The following EDIL3 variants were observed in gnomAD, a reference collection of about 807,000 sequenced individuals.
The protein encoded by EDIL3 is EGF like and discoidin domains 3, also known as EGF-like repeat and discoidin I-like domain-containing protein 3.
EDIL3 carries 37 observed loss-of-function variants against 67.4 expected under a neutral mutation model. That is an observed-to-expected ratio of 0.55 (90% CI 0.42 to 0.72). The LOEUF is 0.72. EDIL3 is among the 30% of genes least tolerant of loss of function. EDIL3 has a pLI of 0.00. For missense variants in EDIL3, 527 were observed against 586.3 expected (o/e 0.90, Z 1.04); for synonymous variants, 195 against 196.3 (o/e 0.99, Z 0.05).
chr5:84,314,208 AAAAG>A (rs1444275437), intron 1 of EDIL3, among the ~76,000 whole-genome samples: 1 of 152,100 alleles, frequency 6.6e-6, no homozygotes, highest in Non-Finnish European at 1.5e-5. Flanking sequence ...AAAAAAGAAA[AAAAG>A]AAAGAAAGAA....
chr5:84,382,462 TCTC>T (rs1384489906), intron 1 of EDIL3, among the ~76,000 whole-genome samples: 3 of 151,990 alleles, frequency 2.0e-5, no homozygotes, highest in South Asian at 2.1e-4. Flanking sequence ...CGCACTATCT[TCTC>T]CTCTACCCCG....
chr5:83,952,465 CA>C (rs1028371007), intron 10 of EDIL3, among the ~76,000 whole-genome samples: 32 of 151,862 alleles, frequency 2.1e-4, no homozygotes, highest in African/African-American at 7.5e-4. Flanking sequence ...TTTTGACTGC[CA>C]TAAGAAATAT....
chr5:84,198,416 GA>G (rs992757894), intron 3 of EDIL3, among the ~76,000 whole-genome samples: 7 of 151,658 alleles, frequency 4.6e-5, no homozygotes, highest in African/African-American at 9.7e-5. Context: ...ATCTAGATCT[GA>G]AAAAAAAGTA....
intron 2 of EDIL3, among the ~76,000 whole-genome samples, chr5:84,236,785 C>G (rs1421012161): frequency 7.0e-6 from 1 of 143,192 alleles, no homozygotes; most frequent in African/African-American, 2.5e-5. Flanking sequence ...TGTTTTTACC[C>G]TTTTTTTTTT....
intron 9 of EDIL3, among the ~76,000 whole-genome samples, chr5:83,981,968 A>T (rs1304856002): frequency 6.6e-6 from 1 of 152,104 alleles, no homozygotes; most frequent in South Asian, 2.1e-4. Context: ...TTAAGCTACA[A>T]TATTTCATAA....
At chr5:84,288,300 G>A (rs544013171) in intron 1 of EDIL3, among the ~76,000 whole-genome samples, 4 of 152,102 alleles carry the variant, frequency 2.6e-5, no homozygotes, top group East Asian at 1.9e-4. Context: ...TCTAACACCC[G>A]AGTTCAATCC....
intron 9 of EDIL3, among the ~76,000 whole-genome samples, chr5:84,001,970 A>G (rs1437947561): frequency 6.6e-6 from 1 of 152,020 alleles, no homozygotes; most frequent in Non-Finnish European, 1.5e-5. Flanking sequence ...AAATATAAAG[A>G]AAGAAAAAGA....
At chr5:84,038,779 C>T (rs998704527) in intron 9 of EDIL3, among the ~76,000 whole-genome samples, 4 of 152,166 alleles carry the variant, frequency 2.6e-5, no homozygotes, top group Admixed American at 6.5e-5. Context: ...ACAAAGTGTC[C>T]TGTTTTCTTA....
At chr5:84,230,049 A>C (rs536722613) in intron 2 of EDIL3, among the ~76,000 whole-genome samples, 165 bp from the exon 3 acceptor site, 2 of 152,326 alleles carry the variant, frequency 1.3e-5, no homozygotes, top group East Asian at 3.9e-4. Context: ...TTGTGTATAC[A>C]TTAGAAAATT....
chr5:84,007,900 T>C (rs2112176870), intron 9 of EDIL3, among the ~76,000 whole-genome samples: 1 of 152,230 alleles, frequency 6.6e-6, no homozygotes, highest in African/African-American at 2.4e-5. Context: ...AGCAGATAAA[T>C]GGATAAAGAA....
chr5:84,384,594 G>T lies in EDIL3; in HGVS notation c.-220C>A. ...TCCCCTTTTGCCTGCGCTCCGGCGC[G>T]CGGAGGTGGGTGAGCTCCGGGGAGC... is the stretch of plus-strand genomic sequence containing the variant. On this transcript the variant is annotated 5_prime_UTR_variant, in exon 1 of 11. Transcript: ENST00000296591. The T allele has an allele frequency of 2.6e-6, 1 of 387,682 alleles. No individual in the cohort carries two copies. Among genetic ancestry groups the T allele is most frequent in the East Asian group, 4.0e-5 (1 of 24,788 alleles). The allele number at this position is 387,682 out of a possible 1,614,324, so 24.0% of individuals were successfully genotyped here. A position where few individuals can be genotyped will look rare whatever the true frequency, so the allele number is the denominator to read the frequency against.
intron 6 of EDIL3, among the ~76,000 whole-genome samples, chr5:84,080,131 A>G (rs1405601846): frequency 1.2e-4 from 17 of 143,184 alleles, no homozygotes; most frequent in Non-Finnish European, 2.4e-4. Flanking sequence ...AAAAAAAAAA[A>G]AAAAAAAAAA....
chr5:84,330,491 T>C (rs1746846566), intron 1 of EDIL3, among the ~76,000 whole-genome samples: 1 of 152,170 alleles, frequency 6.6e-6, no homozygotes, highest in Non-Finnish European at 1.5e-5. Context: ...AAAGGACAAA[T>C]ATTTGAAATG....
intron 9 of EDIL3, among the ~76,000 whole-genome samples, chr5:84,054,847 A>G (rs1404963631): frequency 8.1e-5 from 12 of 148,176 alleles, no homozygotes; most frequent in Admixed American, 4.0e-4. Flanking sequence ...ATGCTCATGG[A>G]TAGGAAGAAT....
intron 1 of EDIL3, among the ~76,000 whole-genome samples, chr5:84,284,108 A>G (rs796270063): frequency 2.3e-4 from 35 of 151,920 alleles, no homozygotes; most frequent in African/African-American, 7.7e-4. Context: ...CCCCACCCTC[A>G]TTATTATTCA....
chr5:83,983,415 T>C (rs1444518719), intron 9 of EDIL3, among the ~76,000 whole-genome samples: 2 of 152,094 alleles, frequency 1.3e-5, no homozygotes, highest in African/African-American at 4.8e-5. Context: ...AGTTTGTTTT[T>C]AAAATATAGC....
intron 3 of EDIL3, among the ~76,000 whole-genome samples, chr5:84,227,336 C>A (rs1417214309): frequency 1.3e-5 from 2 of 151,920 alleles, no homozygotes; most frequent in East Asian, 3.9e-4. Flanking sequence ...GAAAAAAATG[C>A]TCATCATCAC....
rs775002821 is a variant in EDIL3 at position 84,144,582 on chromosome 5, T to C, written c.356-7228A>G. 5.9e-5 allele frequency among the ~76,000 whole-genome samples: 9 copies of C among 152,080 alleles called. No individual in the cohort carries two copies. The South Asian group carries it at 6.2e-4, about 11-fold the overall frequency. ...TGACTAGGGAAAAGTGCTTTTGAAT[T>C]ACATGGAGTTATAAATAGTTGACTC... On this transcript the variant is annotated intron_variant, in intron 4 of 10. Transcript: ENST00000296591.
chr5:84,285,574 AAATT>A (rs1219912161), intron 1 of EDIL3, among the ~76,000 whole-genome samples: 1 of 152,236 alleles, frequency 6.6e-6, no homozygotes, highest in Non-Finnish European at 1.5e-5. Context: ...GGATATTATA[AAATT>A]AATGTTGTTC....
Sources: allele counts gnomAD v4.1 joint callset (sites outside exome capture counted in the v4.1 genomes callset), GRCh38; gene constraint gnomAD v4.1.1; transcripts MANE v1.5; gene names NCBI Gene and HGNC (gene_info 2026-07-23, HGNC 2026-07-21).